The following CMC1 variants were observed in gnomAD, a reference collection of about 807,000 sequenced individuals.
The protein encoded by CMC1 is COX assembly mitochondrial protein homolog.
Under a neutral mutation model 14.1 loss-of-function variants are expected in CMC1, and 14 were observed. The observed-to-expected ratio is 0.99, with a 90% CI of 0.66 to 1.55. The LOEUF (loss-of-function observed/expected upper bound fraction) is 1.55, where lower values mean the gene tolerates loss of function less well. Ranked by LOEUF, CMC1 falls within the 40% of genes most tolerant of loss-of-function variation. CMC1 has a pLI of 0.00. For missense variants in CMC1, 127 were observed against 123.8 expected, an observed-to-expected ratio of 1.03 and a Z score of -0.12; for synonymous variants, 50 against 38.4, an observed-to-expected ratio of 1.30 and a Z score of -1.12.
At chr3:28,315,195 A>T (rs1208762993) in intron 2 of CMC1, 1 of 152,264 alleles carries the variant, frequency 6.6e-6, no homozygotes, top group Non-Finnish European at 1.5e-5. Context: ...GGAGCAAAGC[A>T]TATTGTCCTG....
chr3:28,242,767 T>C (rs1698598849), intron 1 of CMC1, among the ~76,000 whole-genome samples: 2 of 152,194 alleles, frequency 1.3e-5, no homozygotes, highest in Non-Finnish European at 2.9e-5. Context: ...CAGGGAGTAC[T>C]CTAATTTGAA....
intron 1 of CMC1, among the ~76,000 whole-genome samples, chr3:28,250,687 T>A (rs1699087221): frequency 7.2e-5 from 11 of 152,174 alleles, no homozygotes; most frequent in Admixed American, 7.2e-4. Context: ...AAGTTGGAAT[T>A]GAGCTGCTGG....
Position 28,255,722 on chromosome 3 carries a change from T to TACACACACACACACAC in CMC1, c.20-7552_20-7537dup, listed in dbSNP as rs372487968. 2.4e-3 allele frequency among the ~76,000 whole-genome samples: 342 copies of TACACACACACACACAC among 144,348 alleles called. 3 individuals are homozygous for TACACACACACACACAC. The highest frequency in any genetic ancestry group is 7.7e-3 in the African/African-American group (300 of 38,850). 94.7% of individuals were successfully genotyped at this position (144,348 alleles called of 152,430 possible). A position where few individuals can be genotyped will look rare whatever the true frequency, so the allele number is the denominator to read the frequency against. On this transcript the variant is annotated intron_variant, in intron 1 of 3. Transcript: ENST00000466830. ...AAAAATGTATATATATACATGTACATACACACACACACACACACACACACA... is the reference window on the plus strand; with the variant it reads ...AAAAATGTATATATATACATGTACATACACACACACACACACACACACACACACACACACACACACA...
chr3:28,281,419 CAA>C (rs1309904281), intron 2 of CMC1, among the ~76,000 whole-genome samples: 1 of 152,066 alleles, frequency 6.6e-6, no homozygotes, highest in African/African-American at 2.4e-5. Flanking sequence ...AAAAAGGTAA[CAA>C]AGATTGAGTA....
intron 1 of CMC1, among the ~76,000 whole-genome samples, chr3:28,260,841 T>G (rs1408232342): frequency 6.6e-6 from 1 of 152,190 alleles, no homozygotes; most frequent in East Asian, 1.9e-4. Context: ...TGGCATTTTC[T>G]TAGATCCATG....
chr3:28,299,995 A>T (rs775775182), intron 2 of CMC1, among the ~76,000 whole-genome samples: 54 of 152,202 alleles, frequency 3.5e-4, no homozygotes, highest in Non-Finnish European at 6.2e-4. Context: ...AATAAACTGC[A>T]GCTAGAACTG....
chr3:28,281,764 A>G lies in CMC1; in HGVS notation c.109+18384A>G, dbSNP rs192700439. 4.4e-3 allele frequency among the ~76,000 whole-genome samples: 674 copies of G among 152,306 alleles called. 6 individuals are homozygous for G. Among genetic ancestry groups the G allele is most frequent in the African/African-American group, 0.015 (628 of 41,560 alleles). ...TGATATAGGCAGGTGAGACTTAATG[A>G]AGTATGTGGGTTATCAACTGGACCT... On this transcript the variant is annotated intron_variant, in intron 2 of 3. Coordinates refer to ENST00000466830, the MANE Select transcript of CMC1 (RefSeq NM_182523.2).
chr3:28,249,981 G>A (rs1699048226), intron 1 of CMC1, among the ~76,000 whole-genome samples: 1 of 152,036 alleles, frequency 6.6e-6, no homozygotes, highest in South Asian at 2.1e-4. Flanking sequence ...AGGAGGAGGA[G>A]AGAACGAGAA....
intron 2 of CMC1, among the ~76,000 whole-genome samples, chr3:28,286,975 A>G (rs1701218240): frequency 6.6e-6 from 1 of 152,240 alleles, no homozygotes; most frequent in South Asian, 2.1e-4. Context: ...ATATACAGAC[A>G]GTTTAATGAA....
chr3:28,263,103 T>A, intron 1 of CMC1, 188 bp from the exon 2 acceptor site: 1 of 518,594 alleles, frequency 1.9e-6, no homozygotes, highest in Non-Finnish European at 3.4e-6. Flanking sequence ...CACATTTTTG[T>A]TGTTGTATAT....
At chr3:28,245,513 C>A (rs1698777751) in intron 1 of CMC1, among the ~76,000 whole-genome samples, 1 of 152,148 alleles carries the variant, frequency 6.6e-6, no homozygotes, top group Non-Finnish European at 1.5e-5. Flanking sequence ...TCATTCTCTA[C>A]TTATGCAGAA....
intron 2 of CMC1, among the ~76,000 whole-genome samples, chr3:28,293,723 A>C (rs1022251027): frequency 5.3e-5 from 8 of 152,192 alleles, no homozygotes; most frequent in Admixed American, 3.9e-4. Flanking sequence ...CTGGGATTAC[A>C]GATATCCACC....
At chr3:28,292,633 T>A (rs916228983) in intron 2 of CMC1, 1 of 152,186 alleles carries the variant, frequency 6.6e-6, no homozygotes, top group East Asian at 1.9e-4. Flanking sequence ...TTCCCATAGA[T>A]GCCTTAGGTA....
Position 28,324,414 on chromosome 3 carries a change from G to A in CMC1, c.*4785G>A. 1.3e-6 allele frequency: 2 copies of A among 1,538,060 alleles called. No individual in the cohort carries two copies. The highest frequency in any genetic ancestry group is 3.5e-4 in the Middle Eastern group (2 of 5,664). On this transcript the variant is annotated 3_prime_UTR_variant, in exon 4 of 4. Transcript: ENST00000466830. Reference sequence around the variant, plus strand: ...AATTCATCAAGTGCAGTTTTGTGCTGTCTCTTCCAAGGTCTTCACTGCATC... The same window carrying A: ...AATTCATCAAGTGCAGTTTTGTGCTATCTCTTCCAAGGTCTTCACTGCATC...
intron 2 of CMC1, among the ~76,000 whole-genome samples, chr3:28,308,025 C>T (rs904588251): frequency 1.3e-5 from 2 of 152,146 alleles, no homozygotes; most frequent in South Asian, 2.1e-4. Context: ...TGTTCTCTTC[C>T]GCATCTGTCT....
In CMC1 at chr3:28,323,052, A is replaced by G. The variant is rs901644533; in HGVS notation, c.*3423A>G. The G allele has an allele frequency of 6.6e-6, 1 of 151,172 alleles. No individual in the cohort carries two copies. The highest frequency in any genetic ancestry group is 1.5e-5 in the Non-Finnish European group (1 of 67,376). 9.4% of individuals were successfully genotyped at this position (151,172 alleles called of 1,614,324 possible). On this transcript the variant is annotated 3_prime_UTR_variant, in exon 4 of 4. Transcript: ENST00000466830. ...GGACATTTCATGATCGACAATATCAATACAGCCCAAACCCTGATTTCTATG... is the reference window on the plus strand; with the variant it reads ...GGACATTTCATGATCGACAATATCAGTACAGCCCAAACCCTGATTTCTATG...
rs761195779 is a variant in CMC1 at position 28,324,355 on chromosome 3, AAG to A, written c.*4731_*4732del. ...ATGACAAAGAGCTTTGCCATTTGGTAAGAGAGGGGGATGTCTTGTGTATGTTG... is the reference window on the plus strand; with the variant it reads ...ATGACAAAGAGCTTTGCCATTTGGTAAGAGGGGGATGTCTTGTGTATGTTG... On this transcript the variant is annotated 3_prime_UTR_variant, in exon 4 of 4. Transcript: ENST00000466830. 12 of 1,596,834 alleles carry A rather than the reference AAG, an allele frequency of 7.5e-6. No individual in the cohort carries two copies. Among genetic ancestry groups the A allele is most frequent in the South Asian group, 3.4e-5 (3 of 88,904 alleles).
At chr3:28,301,849 G>T (rs1702065138) in intron 2 of CMC1, among the ~76,000 whole-genome samples, 1 of 152,006 alleles carries the variant, frequency 6.6e-6, no homozygotes, top group South Asian at 2.1e-4. Context: ...TGAAACGGCA[G>T]CATTAGACTA....
chr3:28,305,290 A>T (rs993449345), intron 2 of CMC1, among the ~76,000 whole-genome samples: 2 of 152,072 alleles, frequency 1.3e-5, no homozygotes, highest in African/African-American at 2.4e-5. Context: ...GTATTCTATG[A>T]TATATATGTA....
Sources: gnomAD v4.1 joint callset for allele counts (sites outside exome capture counted in the v4.1 genomes callset) on GRCh38, gnomAD v4.1.1 for gene constraint, MANE v1.5 for transcripts, NCBI Gene and HGNC (gene_info 2026-07-23, HGNC 2026-07-21) for gene names.